The following LYPLAL1 variants were observed in gnomAD, a reference collection of about 807,000 sequenced individuals.
LYPLAL1 encodes the protein lysophospholipase-like protein 1.
In LYPLAL1, 23 loss-of-function variants were observed where a neutral mutation model predicts 19.7. The ratio of observed to expected loss-of-function variants is 1.17; its 90% CI spans 0.84 to 1.65. The LOEUF is 1.65. Among genes scored for constraint, LYPLAL1 ranks in the 40% most tolerant of loss-of-function variants. LYPLAL1 has a pLI of 0.00. For synonymous variants in LYPLAL1, 119 were observed against 96.3 expected (o/e 1.24, Z -1.38); for missense variants, 355 against 279.4 (o/e 1.27, Z -1.93).
At chr1:219,306,741 C>CATAGATAGATAGATAGATAGATAG in the LYPLAL1 span, among the ~76,000 whole-genome samples, 3 of 128,178 alleles carry the variant, frequency 2.3e-5, no homozygotes, top group East Asian at 2.7e-4. Flanking sequence ...CAGACAGATG[C>CATAGATAGATAGATAGATAGATAG]ATAGATAGAT....
chr1:219,200,707 G>C (rs898310327), intron 3 of LYPLAL1: 1 of 238,396 alleles, frequency 4.2e-6, no homozygotes, highest in African/African-American at 2.3e-5. Context: ...ATCTTGATCT[G>C]CTTGCTCTTC....
chr1:219,407,157 T>C, the LYPLAL1 span, among the ~76,000 whole-genome samples: 2 of 152,326 alleles, frequency 1.3e-5, no homozygotes, highest in East Asian at 3.9e-4. Context: ...TTTCTTCTCT[T>C]GTCTTCTCAG....
the LYPLAL1 span, among the ~76,000 whole-genome samples, chr1:219,280,873 AC>A: frequency 6.6e-6 from 1 of 152,120 alleles, no homozygotes; most frequent in Admixed American, 6.5e-5. Flanking sequence ...ACACAGCACA[AC>A]CCCATCTCTA....
At chr1:219,275,080 T>G in the LYPLAL1 span, among the ~76,000 whole-genome samples, 1 of 152,204 alleles carries the variant, frequency 6.6e-6, no homozygotes, top group East Asian at 1.9e-4. Context: ...ACATATTCTA[T>G]TCTCCTCTCT....
chr1:219,238,817 A>G, the LYPLAL1 span, among the ~76,000 whole-genome samples: 2 of 152,204 alleles, frequency 1.3e-5, no homozygotes, highest in Non-Finnish European at 2.9e-5. Flanking sequence ...ATAAAACAAG[A>G]TAATTGGACT....
At chr1:219,429,312 C>T in the LYPLAL1 span, among the ~76,000 whole-genome samples, 1 of 152,296 alleles carries the variant, frequency 6.6e-6, no homozygotes, top group Middle Eastern at 3.4e-3. Flanking sequence ...ATCAAGACTG[C>T]ATATACCTCT....
downstream of LYPLAL1, among the ~76,000 whole-genome samples, chr1:219,216,559 TAG>T (rs1358419925): frequency 2.0e-5 from 3 of 152,152 alleles, no homozygotes; most frequent in Non-Finnish European, 4.4e-5. Context: ...TTTTACACTA[TAG>T]CTAGCGGGAA....
the LYPLAL1 span, among the ~76,000 whole-genome samples, chr1:219,419,634 C>T: frequency 1.3e-5 from 2 of 149,082 alleles, no homozygotes; most frequent in African/African-American, 2.5e-5. Flanking sequence ...TTAGCTTCCA[C>T]ATCATTAGCT....
chr1:219,379,946 C>T, the LYPLAL1 span, among the ~76,000 whole-genome samples: 1 of 152,296 alleles, frequency 6.6e-6, no homozygotes, highest in East Asian at 1.9e-4. Flanking sequence ...GAAGAAGAGG[C>T]AGGAAGGAGG....
At chr1:219,210,716 C>A (rs1190457366) in intron 4 of LYPLAL1, 69 bp downstream of exon 4, 32 of 1,423,348 alleles carry the variant, frequency 2.2e-5, no homozygotes, top group Non-Finnish European at 2.8e-5. Flanking sequence ...AAAGCAAAAT[C>A]GGTAATAAAG....
chr1:219,206,172 TTC>T (rs1232521826), intron 3 of LYPLAL1, among the ~76,000 whole-genome samples: 5 of 152,264 alleles, frequency 3.3e-5, no homozygotes, highest in African/African-American at 1.2e-4. Context: ...TATAGATTGT[TTC>T]TGTTTTATTT....
At chr1:219,313,226 CT>C in the LYPLAL1 span, among the ~76,000 whole-genome samples, 2 of 152,194 alleles carry the variant, frequency 1.3e-5, no homozygotes, top group Non-Finnish European at 2.9e-5. Context: ...AAGGAGTTCA[CT>C]GTCTACCGCC....
chr1:219,308,636 G>A, the LYPLAL1 span, among the ~76,000 whole-genome samples: 29 of 152,162 alleles, frequency 1.9e-4, no homozygotes, highest in Non-Finnish European at 3.8e-4. Flanking sequence ...GGCTTCAGAG[G>A]GTGCAAGCCT....
chr1:219,333,602 A>G, the LYPLAL1 span, among the ~76,000 whole-genome samples: 1 of 152,072 alleles, frequency 6.6e-6, no homozygotes, highest in Non-Finnish European at 1.5e-5. Flanking sequence ...TTTCTCTTAG[A>G]CATAAAGAGA....
the LYPLAL1 span, among the ~76,000 whole-genome samples, chr1:219,370,171 G>T: frequency 6.6e-6 from 1 of 152,108 alleles, no homozygotes; most frequent in East Asian, 1.9e-4. Flanking sequence ...ATACCCTGGG[G>T]TGTCCAGTTT....
chr1:219,215,704 C>T (rs1440652580), downstream of LYPLAL1, among the ~76,000 whole-genome samples: 1 of 152,094 alleles, frequency 6.6e-6, no homozygotes, highest in East Asian at 1.9e-4. Context: ...GCATGGATTT[C>T]CCCTCCCTGT....
At chr1:219,359,656 A>T in the LYPLAL1 span, among the ~76,000 whole-genome samples, 1 of 152,328 alleles carries the variant, frequency 6.6e-6, no homozygotes, top group South Asian at 2.1e-4. Flanking sequence ...ACATCTGTCT[A>T]CTTATGCAGA....
chr1:219,349,187 T>G, the LYPLAL1 span, among the ~76,000 whole-genome samples: 1 of 152,186 alleles, frequency 6.6e-6, no homozygotes, highest in Non-Finnish European at 1.5e-5. Flanking sequence ...ACCTAGATAG[T>G]CCCCACGTCT....
In LYPLAL1 at chr1:219,179,165, T is replaced by G. The variant is rs950126489; in HGVS notation, c.110T>G (p.Leu37Ter). 6.2e-7 allele frequency: 1 copy of G among 1,611,358 alleles called. No homozygotes were observed. The highest frequency in any genetic ancestry group is 8.5e-7 in the Non-Finnish European group (1 of 1,178,934). ...LHGSGDSGQG[L>*]RMWIKQVLNQ... is the part of the protein sequence containing the mutation. ...TCATCAGGTGATTCTGGACAAGGAT[T>G]AAGAATGTGGATCAAGCAGGTTTTA... The change falls in exon 2 of 5, where the codon TTA becomes TGA. Residue 37 changes from leucine (L) to a stop codon, truncating the protein, a stop_gained. Transcript: ENST00000366928. LOFTEE classifies it high-confidence loss of function.
Sources: gnomAD v4.1 joint callset for allele counts (sites outside exome capture counted in the v4.1 genomes callset) on GRCh38, gnomAD v4.1.1 for gene constraint, MANE v1.5 for transcripts, NCBI Gene and HGNC (gene_info 2026-07-23, HGNC 2026-07-21) for gene names.